ANAPC5: variants seen among roughly 807,000 people sequenced by gnomAD.
The protein encoded by ANAPC5 is anaphase promoting complex subunit 5.
A neutral mutation model predicts 91.3 loss-of-function variants in ANAPC5; 60 were observed. The observed-to-expected ratio is 0.66, with a 90% CI of 0.53 to 0.81. ANAPC5 has a LOEUF of 0.81. ANAPC5 is among the 40% of genes least tolerant of loss of function. The probability of loss-of-function intolerance (pLI) is 0.00; values close to 1 mark genes in which losing one functional copy is unlikely to be tolerated. For synonymous variants in ANAPC5, 340 were observed against 364.1 expected (o/e 0.93, Z 0.75); for missense variants, 690 against 931.5 (o/e 0.74, Z 3.37).
chr12:121,327,470 A>G (rs1902864844), intron 10 of ANAPC5: 3 of 508,744 alleles, frequency 5.9e-6, no homozygotes, highest in Admixed American at 3.8e-5. Flanking sequence ...CTGGGAGTAC[A>G]CGCTCCCAGA....
chr12:121,352,157 G>T lies in ANAPC5; in HGVS notation c.184C>A (p.Gln62Lys), dbSNP rs1555275456. Residue 62 changes from glutamine (Q) to lysine (K), a missense_variant, in exon 1 of 17, where the codon CAG (glutamine) becomes AAG (lysine). Gln to Lys is a moderately conservative substitution (Grantham distance 53). Coordinates refer to ENST00000261819, the MANE Select transcript of ANAPC5 (RefSeq NM_016237.5). ...VSLMERRRLN[Q>K]LLLPLLQGPD... ...ACCTGCAGCAGGGGCAGGAGCAGCTGGTTGAGCCTCCGCCGCTCCATGAGG... is the reference window on the plus strand; with the variant it reads ...ACCTGCAGCAGGGGCAGGAGCAGCTTGTTGAGCCTCCGCCGCTCCATGAGG... The T allele has an allele frequency of 6.2e-7, 1 of 1,611,560 alleles. No individual in the cohort carries two copies. The highest frequency in any genetic ancestry group is 1.3e-5 in the African/African-American group (1 of 74,900).
intron 1 of ANAPC5, chr12:121,350,921 T>G (rs1903864314): frequency 3.0e-6 from 1 of 333,472 alleles, no homozygotes; most frequent in African/African-American, 2.2e-5. Context: ...ATATGCCATA[T>G]GTGAACACAC....
chr12:121,338,815 G>A (rs985080531), intron 5 of ANAPC5, among the ~76,000 whole-genome samples: 1 of 151,638 alleles, frequency 6.6e-6, no homozygotes, highest in Non-Finnish European at 1.5e-5. Context: ...AAAAATATGT[G>A]TATACATATT....
intron 5 of ANAPC5, among the ~76,000 whole-genome samples, chr12:121,338,825 TATATA>T (rs1903340725): frequency 6.6e-6 from 1 of 152,052 alleles, no homozygotes; most frequent in African/African-American, 2.4e-5. Context: ...GTATACATAT[TATATA>T]AATTTACAAT....
At chr12:121,340,052 C>T (rs1231453395) in intron 5 of ANAPC5, among the ~76,000 whole-genome samples, 1 of 151,506 alleles carries the variant, frequency 6.6e-6, no homozygotes, top group Non-Finnish European at 1.5e-5. Context: ...CGCAGTGGCT[C>T]ACGCCTGTAA....
chr12:121,339,891 T>TTC (rs1903379849), intron 5 of ANAPC5, among the ~76,000 whole-genome samples: 2 of 146,462 alleles, frequency 1.4e-5, no homozygotes, highest in Non-Finnish European at 3.0e-5. Context: ...TTTTTTTTTT[T>TTC]CCCAGATGGA....
At chr12:121,333,778 T>C (rs1903129191) in intron 7 of ANAPC5, 1 of 152,214 alleles carries the variant, frequency 6.6e-6, no homozygotes, top group Non-Finnish European at 1.5e-5. Context: ...CCCGTAGCCA[T>C]ACCCTCAATC....
chr12:121,354,088 A>G (rs1395755119), upstream of ANAPC5, among the ~76,000 whole-genome samples: 1 of 150,912 alleles, frequency 6.6e-6, no homozygotes, highest in Non-Finnish European at 1.5e-5. Flanking sequence ...TCCCGGGTTC[A>G]AGCAATTCTC....
intron 13 of ANAPC5, among the ~76,000 whole-genome samples, chr12:121,319,222 G>A (rs1478733139): frequency 6.8e-6 from 1 of 147,406 alleles, no homozygotes; most frequent in Non-Finnish European, 1.5e-5. Flanking sequence ...TCTTCATTTT[G>A]CTTATCTGTA....
At chr12:121,312,782 A>C (rs1902219650) in intron 15 of ANAPC5, among the ~76,000 whole-genome samples, 1 of 150,650 alleles carries the variant, frequency 6.6e-6, no homozygotes, top group African/African-American at 2.4e-5. Context: ...TGGGAGGCTG[A>C]GGCAGGAGAA....
At chr12:121,348,706 A>T (rs1555274950) in intron 1 of ANAPC5, among the ~76,000 whole-genome samples, 1 of 152,210 alleles carries the variant, frequency 6.6e-6, no homozygotes, top group Non-Finnish European at 1.5e-5. Context: ...AAGAGTATGC[A>T]ACCTCAGCTA....
At position 121,311,040 on chromosome 12, in the gene ANAPC5, T is replaced by A. The variant is rs182180827; in HGVS notation, c.1894-1177A>T. Among the ~76,000 whole-genome samples the A allele has an allele frequency of 2.4e-3, 357 of 151,496 alleles. 10 individuals carry two copies. In the East Asian group the frequency reaches 0.062, roughly 26 times the overall value. ...ATTGTGAGAACAAACTTTTTTTTTT[T>A]AAAGTATCCACTGTATGCTGTCTAC... On this transcript the variant is annotated intron_variant, in intron 15 of 16. Coordinates refer to ENST00000261819, the MANE Select transcript of ANAPC5 (RefSeq NM_016237.5).
chr12:121,352,743 T>TGGTGGTGGTGGTGG (rs1555275639), upstream of ANAPC5, among the ~76,000 whole-genome samples: 31 of 150,472 alleles, frequency 2.1e-4, no homozygotes, highest in Admixed American at 4.7e-4. Flanking sequence ...GTGGTTGTCG[T>TGGTGGTGGTGGTGG]TGTTGTTGTT....
At chr12:121,331,300 C>T in intron 8 of ANAPC5, 47 bp downstream of exon 8, 1 of 1,519,804 alleles carries the variant, frequency 6.6e-7, no homozygotes, top group Non-Finnish European at 9.1e-7. Context: ...TTGTGAAGGC[C>T]AATTCAACCC....
At chr12:121,333,413 A>G (rs1490702432) in intron 7 of ANAPC5, 1 of 152,198 alleles carries the variant, frequency 6.6e-6, no homozygotes, top group Non-Finnish European at 1.5e-5. Context: ...GTTCCTTACT[A>G]AGTTAAATAG....
chr12:121,310,061 G>T, intron 15 of ANAPC5, 198 bp from the exon 16 acceptor site: 1 of 426,876 alleles, frequency 2.3e-6, no homozygotes. Context: ...GACAAATATA[G>T]CAGGGGGCGG....
chr12:121,327,530 T>C, intron 10 of ANAPC5: 2 of 357,510 alleles, frequency 5.6e-6, no homozygotes, highest in Non-Finnish European at 1.0e-5. Context: ...TGTTAATTAG[T>C]TTTCACGGGT....
In ANAPC5 at chr12:121,335,556, G is replaced by C. The variant is rs1290548934; in HGVS notation, c.927C>G (p.Ala309=). Residue 309 remains alanine, a synonymous_variant, in exon 7 of 17, where the codon GCC becomes GCG. Transcript: ENST00000261819. ...ACTAGTGACCGAAGCGGCAGTGCAGGGCGGCAAGATTCAGAGCGGCGTATC... is the reference window on the plus strand; with the variant it reads ...ACTAGTGACCGAAGCGGCAGTGCAGCGCGGCAAGATTCAGAGCGGCGTATC... The part of the protein sequence containing the change: ...SLRYAALNLA[A]LHCRFGHYQQ... The C allele has an allele frequency of 6.2e-6, 10 of 1,611,324 alleles. No individual in the cohort carries two copies. Among genetic ancestry groups the C allele is most frequent in the Non-Finnish European group, 8.5e-6 (10 of 1,177,846 alleles).
chr12:121,331,468 C>T (rs782021131), intron 7 of ANAPC5, 40 bp from the exon 8 acceptor site: 17 of 1,531,136 alleles, frequency 1.1e-5, no homozygotes, highest in Non-Finnish European at 1.4e-5. Flanking sequence ...TTAATAATCA[C>T]AAACATGCAT....
Sources: allele counts gnomAD v4.1 joint callset (sites outside exome capture counted in the v4.1 genomes callset), GRCh38; gene constraint gnomAD v4.1.1; transcripts MANE v1.5; gene names NCBI Gene and HGNC (gene_info 2026-07-23, HGNC 2026-07-21).